The following TPD52 variants were observed in gnomAD, a reference collection of about 807,000 sequenced individuals.
TPD52 encodes the protein tumor protein D52, also known as prostate and colon associated protein.
A neutral mutation model predicts 31.3 loss-of-function variants in TPD52; 17 were observed. The observed-to-expected ratio is 0.54, with a 90% confidence interval of 0.37 to 0.82. The LOEUF (loss-of-function observed/expected upper bound fraction) is 0.82. TPD52 is among the 40% of genes least tolerant of loss of function. TPD52 has a pLI of 0.00. For missense variants in TPD52, 212 were observed against 240.1 expected, an observed-to-expected ratio of 0.88 and a Z score of 0.77; for synonymous variants, 83 against 89.6, an observed-to-expected ratio of 0.93 and a Z score of 0.42.
rs553448453 is a variant in TPD52, at chr8:80,046,467, C to T, written c.414-2259G>A. ...GTAATCTAACTATAGGGTGGCTGTT[C>T]TTTCATTTCTGGCTTCTCTATGGCA... On this transcript the variant is annotated intron_variant, in intron 5 of 7. Transcript: ENST00000518937. Among the ~76,000 whole-genome samples, 281 of 152,228 alleles carry T rather than the reference C, an allele frequency of 1.8e-3. 2 individuals carry two copies. Among genetic ancestry groups the T allele is most frequent in the Middle Eastern group, 6.8e-3 (2 of 294 alleles).
At chr8:80,103,537 A>G (rs1170711858) in intron 1 of TPD52, among the ~76,000 whole-genome samples, 1 of 152,212 alleles carries the variant, frequency 6.6e-6, no homozygotes, top group Non-Finnish European at 1.5e-5. Context: ...ATCAGATCTG[A>G]TATCAGAAGT....
intron 1 of TPD52, among the ~76,000 whole-genome samples, chr8:80,142,724 G>A (rs1809921601): frequency 6.6e-6 from 1 of 152,030 alleles, no homozygotes; most frequent in Non-Finnish European, 1.5e-5. Context: ...CAATCAGACT[G>A]GTCCTGGGCA....
intron 1 of TPD52, among the ~76,000 whole-genome samples, chr8:80,145,524 G>A (rs1810132379): frequency 6.6e-6 from 1 of 152,214 alleles, no homozygotes; most frequent in Admixed American, 6.5e-5. Context: ...CACATAGCAG[G>A]TGCTCCGGGA....
intron 1 of TPD52, among the ~76,000 whole-genome samples, chr8:80,089,982 G>C (rs1036356697): frequency 3.0e-4 from 46 of 152,236 alleles, no homozygotes; most frequent in African/African-American, 1.1e-3. Flanking sequence ...CACAGGACTT[G>C]GGGTCTGGTG....
At chr8:80,149,816 G>A (rs1810451488) in intron 1 of TPD52, among the ~76,000 whole-genome samples, 2 of 152,170 alleles carry the variant, frequency 1.3e-5, no homozygotes, top group South Asian at 4.1e-4. Context: ...TCTGGCAGAA[G>A]AAATTTCTAA....
chr8:80,042,920 G>A (rs1022684006), intron 6 of TPD52: 40 of 331,632 alleles, frequency 1.2e-4, no homozygotes, highest in African/African-American at 6.3e-5. Flanking sequence ...ATATAGATAT[G>A]GTCAAGTACG....
chr8:80,091,523 G>A (rs73261858), intron 1 of TPD52, among the ~76,000 whole-genome samples: 1 of 151,862 alleles, frequency 6.6e-6, no homozygotes, highest in African/African-American at 2.4e-5. Flanking sequence ...GGTCATCTCA[G>A]TACATGGTCC....
At chr8:80,150,373 A>G (rs1055502047) in intron 1 of TPD52, among the ~76,000 whole-genome samples, 1 of 152,216 alleles carries the variant, frequency 6.6e-6, no homozygotes, top group African/African-American at 2.4e-5. Context: ...GCAGTGCAGG[A>G]GCGAAATGTG....
In TPD52 at chr8:80,037,762, A is replaced by G. The variant is rs1810010370; in HGVS notation, c.*354T>C. 1 of 171,138 alleles carries G rather than the reference A, an allele frequency of 5.8e-6. No homozygotes were observed. Among genetic ancestry groups the G allele is most frequent in the Non-Finnish European group, 1.2e-5 (1 of 80,788 alleles). 10.6% of individuals were successfully genotyped at this position (171,138 alleles called of 1,614,324 possible). A position where few individuals can be genotyped will look rare whatever the true frequency, so the allele number is the denominator to read the frequency against. On this transcript the variant is annotated 3_prime_UTR_variant, in exon 8 of 8. Coordinates refer to ENST00000518937, the MANE Select transcript of TPD52 (RefSeq NM_001025253.3). ...GGGGAAAAAAAGGAAATATTATAGAAGACAAAGGTCAAACTGGCATTCCAG... is the reference window on the plus strand; with the variant it reads ...GGGGAAAAAAAGGAAATATTATAGAGGACAAAGGTCAAACTGGCATTCCAG...
intron 1 of TPD52, among the ~76,000 whole-genome samples, chr8:80,106,808 T>C (rs1324346328): frequency 6.7e-6 from 1 of 149,736 alleles, no homozygotes; most frequent in South Asian, 2.1e-4. Flanking sequence ...ATTTGGTTCA[T>C]ATATAAACCA....
In TPD52 at chr8:80,145,808, T is replaced by G. The variant is rs533652300; in HGVS notation, c.19+25617A>C. On this transcript the variant is annotated intron_variant, in intron 1 of 7. Coordinates refer to ENST00000518937, the MANE Select transcript of TPD52 (RefSeq NM_001025253.3). ...AAAGGAGGAGGGAAAAAACCCACAG[T>G]GTTCCTGAAACTAAATTTAAAAGTA... Among the ~76,000 whole-genome samples, 8 of 152,322 alleles carry G rather than the reference T, an allele frequency of 5.3e-5. No homozygotes were observed. In the South Asian group the frequency reaches 1.5e-3, roughly 28 times the overall value.
chr8:80,064,403 C>A, intron 2 of TPD52, 75 bp downstream of exon 2: 1 of 1,165,280 alleles, frequency 8.6e-7, no homozygotes, highest in Non-Finnish European at 1.3e-6. Flanking sequence ...AAACATATCA[C>A]CATGTACTTT....
chr8:80,040,183 TC>T (rs1810237813), intron 7 of TPD52, among the ~76,000 whole-genome samples: 2 of 143,022 alleles, frequency 1.4e-5, no homozygotes, highest in South Asian at 2.2e-4. Context: ...TAATACGCTA[TC>T]CTTTTTTTTT....
chr8:80,136,262 C>T (rs1327693107), intron 1 of TPD52, among the ~76,000 whole-genome samples: 2 of 149,436 alleles, frequency 1.3e-5, no homozygotes, highest in African/African-American at 4.9e-5. Context: ...CGGTGGCTCA[C>T]GCCTGTAATC....
chr8:80,062,224 G>C (rs1812627750), intron 2 of TPD52, among the ~76,000 whole-genome samples: 2 of 152,194 alleles, frequency 1.3e-5, no homozygotes, highest in Admixed American at 1.3e-4. Context: ...ACATATAGAT[G>C]AATGAATCTG....
chr8:80,152,598 T>C (rs1023435624), intron 1 of TPD52, among the ~76,000 whole-genome samples: 1 of 151,962 alleles, frequency 6.6e-6, no homozygotes, highest in Admixed American at 6.6e-5. Flanking sequence ...CGGGTCAACA[T>C]GGTGAAACCC....
At chr8:80,121,722 A>T (rs1419335965) in intron 1 of TPD52, among the ~76,000 whole-genome samples, 1 of 151,988 alleles carries the variant, frequency 6.6e-6, no homozygotes, top group Non-Finnish European at 1.5e-5. Flanking sequence ...CCCAGGCCTA[A>T]CCAAGTGGCC....
rs1809993953 is a variant in TPD52, at chr8:80,037,537, A to C, written c.*579T>G. 6.6e-6 allele frequency: 1 copy of C among 152,230 alleles called. No individual in the cohort carries two copies. Among genetic ancestry groups the C allele is most frequent in the South Asian group, 2.1e-4 (1 of 4,834 alleles). The allele number at this position is 152,230 out of a possible 1,614,324, so 9.4% of individuals were successfully genotyped here. The stretch of plus-strand genomic sequence containing the variant: ...TACAAAACTATAATAAATTGGATGC[A>C]CAGCTGTTTACTTCAGTCTGGTGTC... On this transcript the variant is annotated 3_prime_UTR_variant, in exon 8 of 8. Coordinates refer to ENST00000518937, the MANE Select transcript of TPD52 (RefSeq NM_001025253.3).
At chr8:80,083,979 A>T (rs1815532779) in intron 1 of TPD52, among the ~76,000 whole-genome samples, 2 of 151,952 alleles carry the variant, frequency 1.3e-5, no homozygotes. Flanking sequence ...AAGCACTCTC[A>T]CTCCATATGG....
Sources: gnomAD v4.1 joint callset for allele counts (sites outside exome capture counted in the v4.1 genomes callset) on GRCh38, gnomAD v4.1.1 for gene constraint, MANE v1.5 for transcripts, NCBI Gene and HGNC (gene_info 2026-07-23, HGNC 2026-07-21) for gene names.